CIRSR: variants seen among roughly 807,000 people sequenced by gnomAD.
CIRSR encodes CBF1 (RBPJ) interacting corepressor 1.
At chr2:174,361,728 C>T in the CIRSR span, among the ~76,000 whole-genome samples, 2 of 152,130 alleles carry the variant, frequency 1.3e-5, no homozygotes, top group African/African-American at 4.8e-5. Flanking sequence ...TGTTCATTTT[C>T]ATATGGTTAG....
At chr2:174,395,408 G>C in the CIRSR span, 27 of 783,644 alleles carry the variant, frequency 3.4e-5, no homozygotes, top group Admixed American at 1.9e-4. Context: ...GCTCAGCAGA[G>C]AAAGGCGAGA....
At chr2:174,380,559 C>G in the CIRSR span, 2 of 1,177,956 alleles carry the variant, frequency 1.7e-6, no homozygotes, top group South Asian at 2.7e-5. Context: ...CAGTTGCCTC[C>G]TCTAATGATT....
chr2:174,354,452 A>G, the CIRSR span, among the ~76,000 whole-genome samples: 5 of 92,704 alleles, frequency 5.4e-5, no homozygotes, highest in African/African-American at 1.0e-4. Flanking sequence ...TATATTATAT[A>G]ATATAATATA....
At chr2:174,369,251 C>T in the CIRSR span, among the ~76,000 whole-genome samples, 1 of 152,228 alleles carries the variant, frequency 6.6e-6, no homozygotes. Context: ...TTCCCTTAAA[C>T]CTTATGAATC....
At chr2:174,377,852 A>G in the CIRSR span, among the ~76,000 whole-genome samples, 1 of 148,894 alleles carries the variant, frequency 6.7e-6, no homozygotes, top group South Asian at 2.2e-4. Flanking sequence ...AAAAAACCAA[A>G]CTTATTCATC....
the CIRSR span, among the ~76,000 whole-genome samples, chr2:174,387,067 ATATTT>A: frequency 6.6e-6 from 1 of 152,228 alleles, no homozygotes; most frequent in Non-Finnish European, 1.5e-5. Flanking sequence ...TCAATATATT[ATATTT>A]TAAAGAGTAG....
At chr2:174,356,237 G>A in the CIRSR span, among the ~76,000 whole-genome samples, 8 of 151,996 alleles carry the variant, frequency 5.3e-5, no homozygotes, top group African/African-American at 1.7e-4. Context: ...AGGCAGAGGC[G>A]GGTGGATCGC....
the CIRSR span, among the ~76,000 whole-genome samples, chr2:174,384,895 A>G: frequency 6.6e-6 from 1 of 152,194 alleles, no homozygotes; most frequent in African/African-American, 2.4e-5. Context: ...AAATCTTTGT[A>G]TGTATCTAGA....
the CIRSR span, among the ~76,000 whole-genome samples, chr2:174,379,413 T>C: frequency 6.6e-6 from 1 of 152,210 alleles, no homozygotes; most frequent in Admixed American, 6.5e-5. Flanking sequence ...GTAAACATTT[T>C]CTGTAAAGGT....
At chr2:174,354,626 T>A in the CIRSR span, among the ~76,000 whole-genome samples, 7 of 73,810 alleles carry the variant, frequency 9.5e-5, no homozygotes, top group African/African-American at 2.7e-4. Flanking sequence ...TTTTATATAT[T>A]ATATAATATA....
the CIRSR span, among the ~76,000 whole-genome samples, chr2:174,351,374 C>T: frequency 1.3e-5 from 2 of 152,168 alleles, no homozygotes; most frequent in African/African-American, 2.4e-5. Flanking sequence ...ATCACCAGTT[C>T]AGTTAGATAT....
At chr2:174,391,193 C>T in the CIRSR span, among the ~76,000 whole-genome samples, 1 of 152,086 alleles carries the variant, frequency 6.6e-6, no homozygotes, top group Non-Finnish European at 1.5e-5. Context: ...CAGGTAATTT[C>T]ACACACATTT....
chr2:174,376,801 GA>G, the CIRSR span, among the ~76,000 whole-genome samples: 34,856 of 106,754 alleles, frequency 0.33, 4,715 homozygotes, highest in South Asian at 0.47. Flanking sequence ...CTGTCTCAGG[GA>G]AAAAAAAAAA....
the CIRSR span, among the ~76,000 whole-genome samples, chr2:174,379,716 C>CTTTTTTTT: frequency 1.3e-4 from 11 of 83,756 alleles, no homozygotes; most frequent in Middle Eastern, 8.3e-3. Flanking sequence ...TGATTCCTGT[C>CTTTTTTTT]TTTTTTTTTT....
chr2:174,354,447 T>TATAATATAATATATAAAATATATA, the CIRSR span, among the ~76,000 whole-genome samples: 1 of 19,442 alleles, frequency 5.1e-5, no homozygotes, highest in African/African-American at 8.4e-5. Flanking sequence ...TATAATATAT[T>TATAATATAATATATAAAATATATA]ATATAATATA....
chr2:174,385,414 C>T, the CIRSR span, among the ~76,000 whole-genome samples: 4 of 152,006 alleles, frequency 2.6e-5, no homozygotes, highest in East Asian at 3.9e-4. Context: ...TGGCAAATGA[C>T]CAATTACTCA....
At chr2:174,388,443 C>T in the CIRSR span, among the ~76,000 whole-genome samples, 22 of 152,248 alleles carry the variant, frequency 1.4e-4, no homozygotes, top group African/African-American at 4.1e-4. Context: ...TCAGGCAATC[C>T]GCCTGCCTCA....
At chr2:174,369,932 T>C in the CIRSR span, 8 of 1,350,898 alleles carry the variant, frequency 5.9e-6, no homozygotes, top group South Asian at 1.2e-5. Context: ...AGAGACAAAG[T>C]AAGCACATAC....
chr2:174,383,576 CG>C, the CIRSR span, among the ~76,000 whole-genome samples: 3 of 151,378 alleles, frequency 2.0e-5, no homozygotes, highest in Non-Finnish European at 4.4e-5. Context: ...AAAAATTAGC[CG>C]GGCGTGGTGG....
Sources: allele counts gnomAD v4.1 joint callset (sites outside exome capture counted in the v4.1 genomes callset), GRCh38; gene constraint gnomAD v4.1.1; transcripts MANE v1.5; gene names NCBI Gene and HGNC (gene_info 2026-07-23, HGNC 2026-07-21).